The following CNTN5 variants were observed in gnomAD, a reference collection of about 807,000 sequenced individuals.
CNTN5 encodes contactin-5.
CNTN5 carries 77 observed loss-of-function variants against 129.1 expected under a neutral mutation model. The observed-to-expected ratio is 0.60, with a 90% CI of 0.50 to 0.72. The LOEUF is 0.72. Among genes scored for constraint, CNTN5 ranks in the 30% least tolerant of loss-of-function variants. The probability of loss-of-function intolerance (pLI) is 0.00; values close to 1 mark genes in which losing one functional copy is unlikely to be tolerated. For synonymous variants in CNTN5, 509 were observed against 465.6 expected, an observed-to-expected ratio of 1.09 and a Z score of -1.20; for missense variants, 1,478 against 1,328.8, an observed-to-expected ratio of 1.11 and a Z score of -1.75.
In CNTN5 at chr11:100,317,288, G is replaced by T. The variant is rs970361736; in HGVS notation, c.2730+8820G>T. Among the ~76,000 whole-genome samples, 3 of 152,252 alleles carry T rather than the reference G, an allele frequency of 2.0e-5. No homozygotes were observed. The East Asian group carries it at 5.8e-4, about 29-fold the overall frequency. On this transcript the variant is annotated intron_variant, in intron 21 of 24. Coordinates refer to ENST00000524871, the MANE Select transcript of CNTN5 (RefSeq NM_014361.4). Reference sequence around the variant, plus strand: ...GATTGTATTTACTTTGTATGGGGGGGAGGAAATGTATATGTGTGAAGATGG... The same window carrying T: ...GATTGTATTTACTTTGTATGGGGGGTAGGAAATGTATATGTGTGAAGATGG...
chr11:99,618,988 C>T (rs888744927), intron 3 of CNTN5, among the ~76,000 whole-genome samples: 2 of 151,992 alleles, frequency 1.3e-5, no homozygotes, highest in African/African-American at 4.8e-5. Flanking sequence ...CTTCACATGC[C>T]AAATGCACAT....
At chr11:99,541,567 A>G (rs535009404) in intron 2 of CNTN5, among the ~76,000 whole-genome samples, 9 of 152,262 alleles carry the variant, frequency 5.9e-5, no homozygotes, top group African/African-American at 2.2e-4. Context: ...GAAAAGGAGG[A>G]AGATACAAGA....
At chr11:99,130,294 A>G (rs1858866899) in intron 1 of CNTN5, among the ~76,000 whole-genome samples, 1 of 152,174 alleles carries the variant, frequency 6.6e-6, no homozygotes, top group African/African-American at 2.4e-5. Flanking sequence ...AGAAAGAAGA[A>G]AAAAACAGGA....
At chr11:99,378,525 A>C (rs946789352) in intron 2 of CNTN5, among the ~76,000 whole-genome samples, 8 of 152,184 alleles carry the variant, frequency 5.3e-5, no homozygotes, top group African/African-American at 1.9e-4. Flanking sequence ...ATGACCTTTG[A>C]ATCTAAGTTC....
chr11:99,452,536 C>A (rs928775225), intron 2 of CNTN5, among the ~76,000 whole-genome samples: 1 of 151,888 alleles, frequency 6.6e-6, no homozygotes, highest in East Asian at 1.9e-4. Context: ...CCACACCCGG[C>A]TAATTTTTTG....
intron 1 of CNTN5, among the ~76,000 whole-genome samples, chr11:99,248,410 G>C (rs1198218161): frequency 6.6e-6 from 1 of 152,068 alleles, no homozygotes; most frequent in Non-Finnish European, 1.5e-5. Context: ...CTTTCTGTAG[G>C]TGGCCTGTTC....
At chr11:100,247,226 A>T (rs1209174049) in intron 16 of CNTN5, among the ~76,000 whole-genome samples, 6 of 152,330 alleles carry the variant, frequency 3.9e-5, no homozygotes, top group Middle Eastern at 3.4e-3. Flanking sequence ...GAATCAGGTT[A>T]TGTAGGTGAT....
intron 2 of CNTN5, among the ~76,000 whole-genome samples, chr11:99,448,944 C>G (rs1226496682): frequency 6.6e-6 from 1 of 151,318 alleles, no homozygotes; most frequent in Non-Finnish European, 1.5e-5. Context: ...CCATGCCTGG[C>G]TAATTTTTGT....
At chr11:100,032,330 A>G (rs912750583) in intron 9 of CNTN5, among the ~76,000 whole-genome samples, 1 of 151,992 alleles carries the variant, frequency 6.6e-6, no homozygotes, top group Non-Finnish European at 1.5e-5. Context: ...ATTATAGTTT[A>G]TTTCACTATG....
chr11:99,283,690 T>C (rs1041099207), intron 1 of CNTN5, among the ~76,000 whole-genome samples: 3 of 152,130 alleles, frequency 2.0e-5, no homozygotes, highest in Admixed American at 2.0e-4. Flanking sequence ...TATTACACAC[T>C]TGGAATTGCT....
intron 3 of CNTN5, among the ~76,000 whole-genome samples, chr11:99,738,848 A>C (rs940972585): frequency 3.3e-5 from 5 of 152,210 alleles, no homozygotes; most frequent in Non-Finnish European, 5.9e-5. Flanking sequence ...TTTTTAAAAA[A>C]TGTATGTCAA....
At chr11:99,831,995 T>C (rs1295458949) in intron 4 of CNTN5, among the ~76,000 whole-genome samples, 2 of 152,166 alleles carry the variant, frequency 1.3e-5, no homozygotes, top group Non-Finnish European at 2.9e-5. Flanking sequence ...CTGAGTTCCT[T>C]ATCTTCAAGT....
At chr11:99,893,575 C>A (rs1949121700) in intron 6 of CNTN5, among the ~76,000 whole-genome samples, 2 of 152,136 alleles carry the variant, frequency 1.3e-5, no homozygotes, top group Admixed American at 1.3e-4. Context: ...CTCTCACAAG[C>A]TGATGCCTCT....
intron 3 of CNTN5, among the ~76,000 whole-genome samples, chr11:99,631,364 A>G (rs1362361275): frequency 6.6e-6 from 1 of 152,278 alleles, no homozygotes; most frequent in South Asian, 2.1e-4. Flanking sequence ...TAGTAATAGC[A>G]TTAGTAAAAT....
chr11:100,000,163 T>A (rs1326753374), intron 8 of CNTN5, among the ~76,000 whole-genome samples: 1 of 151,442 alleles, frequency 6.6e-6, no homozygotes, highest in Non-Finnish European at 1.5e-5. Flanking sequence ...ATAATAATAA[T>A]AAAAATAAAT....
At chr11:99,775,229 A>G (rs906172899) in intron 3 of CNTN5, among the ~76,000 whole-genome samples, 3 of 152,104 alleles carry the variant, frequency 2.0e-5, no homozygotes, top group East Asian at 1.9e-4. Flanking sequence ...CCCATTTCCA[A>G]TGACATTGGG....
intron 2 of CNTN5, among the ~76,000 whole-genome samples, chr11:99,395,595 C>A (rs1156434680): frequency 6.6e-6 from 1 of 151,586 alleles, no homozygotes. Context: ...CTTTTGGTGT[C>A]TTTGTCATGA....
At chr11:99,448,711 G>A (rs538257207) in intron 2 of CNTN5, among the ~76,000 whole-genome samples, 1 of 149,348 alleles carries the variant, frequency 6.7e-6, no homozygotes, top group Non-Finnish European at 1.5e-5. Context: ...TGCATAATTT[G>A]CCTAAAATTG....
intron 2 of CNTN5, among the ~76,000 whole-genome samples, chr11:99,502,531 G>T (rs1374839018): frequency 6.6e-6 from 1 of 152,108 alleles, no homozygotes; most frequent in African/African-American, 2.4e-5. Flanking sequence ...TCTTTCTGCT[G>T]CCTTGAGAGG....
Sources: allele counts gnomAD v4.1 joint callset (sites outside exome capture counted in the v4.1 genomes callset), GRCh38; gene constraint gnomAD v4.1.1; transcripts MANE v1.5; gene names NCBI Gene and HGNC (gene_info 2026-07-23, HGNC 2026-07-21).